DLC1: variants seen among roughly 807,000 people sequenced by gnomAD.
The protein encoded by DLC1 is DLC1 Rho GTPase activating protein.
DLC1 carries 54 observed loss-of-function variants against 140.3 expected under a neutral mutation model. The ratio of observed to expected loss-of-function variants is 0.38; its 90% CI spans 0.31 to 0.48. The LOEUF (loss-of-function observed/expected upper bound fraction) is 0.48. Among genes scored for constraint, DLC1 ranks in the 20% least tolerant of loss-of-function variants. The pLI, the probability that DLC1 is intolerant of heterozygous loss-of-function variation, is 0.96. For missense variants in DLC1, 2,536 were observed against 1,907.0 expected (o/e 1.33, Z -6.14); for synonymous variants, 986 against 728.1 (o/e 1.35, Z -5.70).
At chr8:13,286,534 T>A (rs1018900037) in intron 5 of DLC1, among the ~76,000 whole-genome samples, 1 of 152,140 alleles carries the variant, frequency 6.6e-6, no homozygotes, top group Admixed American at 6.5e-5. Context: ...TTCTATTGTA[T>A]CACATTATTA....
chr8:13,086,376 C>T lies in DLC1; in HGVS notation c.4380G>A (p.Arg1460=). The T allele has an allele frequency of 6.2e-7, 1 of 1,614,220 alleles. No individual in the cohort carries two copies. Among genetic ancestry groups the T allele is most frequent in the Admixed American group, 1.7e-5 (1 of 60,030 alleles). ...AATACCTGGACAAGAGCACATTAAC[C>T]CTCACACCCACCACAGGTGCGCGAT... The part of the protein sequence containing the change: ...DHDRAPVVGV[R]VNVLLSRYLI... The change falls in exon 17 of 18, where the codon AGG becomes AGA. Residue 1460 remains arginine, a synonymous_variant. Transcript: ENST00000276297.
At chr8:13,374,908 C>G (rs930979436) in intron 4 of DLC1, among the ~76,000 whole-genome samples, 2 of 152,222 alleles carry the variant, frequency 1.3e-5, no homozygotes, top group Admixed American at 6.5e-5. Flanking sequence ...AGAGGTCCTT[C>G]ACATCCCTTG....
intron 5 of DLC1, among the ~76,000 whole-genome samples, chr8:13,240,872 G>C (rs1285774929): frequency 6.6e-6 from 1 of 152,122 alleles, no homozygotes; most frequent in Non-Finnish European, 1.5e-5. Context: ...TATAAAACCT[G>C]AGCCTTTCCT....
rs749088237 is a variant in DLC1, at chr8:13,085,879, C to T, written c.4519G>A (p.Glu1507Lys). ...TKSFGHLCAA[E>K]VVKIRDSFSN... ...AAGGAATCCCGGATCTTTACAACTT[C>T]AGCTGCACACAAATGTCCAAAAGAT... Residue 1507 changes from glutamate to lysine, a missense_variant, in exon 18 of 18, where the codon GAA becomes AAA. Transcript: ENST00000276297. 10 of 1,614,176 alleles carry T rather than the reference C, an allele frequency of 6.2e-6. No homozygotes were observed. Among genetic ancestry groups the T allele is most frequent in the Non-Finnish European group, 4.2e-6 (5 of 1,180,022 alleles).
chr8:13,492,874 G>C (rs543391214), intron 2 of DLC1, among the ~76,000 whole-genome samples: 2 of 152,072 alleles, frequency 1.3e-5, no homozygotes, highest in Non-Finnish European at 2.9e-5. Flanking sequence ...TACATTTTTG[G>C]CTTTCTGGTT....
chr8:13,176,218 C>G (rs924029422), intron 5 of DLC1, among the ~76,000 whole-genome samples: 1 of 152,034 alleles, frequency 6.6e-6, no homozygotes, highest in Non-Finnish European at 1.5e-5. Flanking sequence ...TCCATTTCCT[C>G]TAGGGAAAAG....
intron 2 of DLC1, among the ~76,000 whole-genome samples, chr8:13,493,748 TCCTA>T (rs781491512): frequency 3.9e-5 from 6 of 152,192 alleles, no homozygotes; most frequent in Non-Finnish European, 7.3e-5. Flanking sequence ...CCAGTCAGCC[TCCTA>T]CTTTGGTTCA....
rs1830437622 is a variant in DLC1 at position 13,260,663 on chromosome 8, G to T, written c.1348+44606C>A. On this transcript the variant is annotated intron_variant, in intron 5 of 17. Transcript: ENST00000276297. ...AGGAAGGAAGAAATATCCAACTGATGCTGGAAGGATAAAAGTGTAACTATT... is the reference window on the plus strand; with the variant it reads ...AGGAAGGAAGAAATATCCAACTGATTCTGGAAGGATAAAAGTGTAACTATT... 2.0e-5 allele frequency among the ~76,000 whole-genome samples: 3 copies of T among 152,152 alleles called. 1 individual carries two copies. The South Asian group carries it at 6.2e-4, about 32-fold the overall frequency.
intron 1 of DLC1, among the ~76,000 whole-genome samples, chr8:13,513,508 A>C (rs1157483582): frequency 2.6e-5 from 4 of 152,098 alleles, no homozygotes; most frequent in Non-Finnish European, 5.9e-5. Context: ...TTATGATCCA[A>C]CTGTCAAAAT....
chr8:13,292,142 T>G (rs1831780775), intron 5 of DLC1, among the ~76,000 whole-genome samples: 1 of 152,166 alleles, frequency 6.6e-6, no homozygotes, highest in Non-Finnish European at 1.5e-5. Context: ...TTGGCTTCCA[T>G]TATAAATGGG....
chr8:13,454,802 C>G (rs778966786), intron 2 of DLC1, among the ~76,000 whole-genome samples: 3 of 152,182 alleles, frequency 2.0e-5, no homozygotes, highest in Admixed American at 2.0e-4. Flanking sequence ...GATCCTCCTG[C>G]TTTGGCCTCT....
At chr8:13,113,071 TA>T (rs1440427000) in intron 6 of DLC1, among the ~76,000 whole-genome samples, 1 of 152,210 alleles carries the variant, frequency 6.6e-6, no homozygotes, top group African/African-American at 2.4e-5. Flanking sequence ...TAACAATTTT[TA>T]AAAAATCTGG....
chr8:13,456,249 G>A (rs1326716026), intron 2 of DLC1, among the ~76,000 whole-genome samples: 5 of 152,132 alleles, frequency 3.3e-5, no homozygotes, highest in Admixed American at 1.3e-4. Context: ...TGATTTCTCT[G>A]TATTCTGCCC....
chr8:13,355,855 T>C (rs1004580948), intron 4 of DLC1, among the ~76,000 whole-genome samples: 5 of 151,730 alleles, frequency 3.3e-5, no homozygotes, highest in African/African-American at 9.7e-5. Context: ...GAGGCTAAGG[T>C]GGGCAGATCA....
intron 2 of DLC1, among the ~76,000 whole-genome samples, chr8:13,450,663 A>C (rs1798997248): frequency 6.6e-6 from 1 of 152,084 alleles, no homozygotes; most frequent in Non-Finnish European, 1.5e-5. Context: ...TCATATTTTA[A>C]GAGTGAAAAG....
intron 5 of DLC1, among the ~76,000 whole-genome samples, chr8:13,287,436 A>T (rs1366728660): frequency 6.6e-6 from 1 of 152,082 alleles, no homozygotes; most frequent in Non-Finnish European, 1.5e-5. Flanking sequence ...CGGGTTAAAG[A>T]AATCAATCAC....
In DLC1 at chr8:13,312,374, A is replaced by AT. The variant is rs1177054119; in HGVS notation, c.1315-7073_1315-7072insA. ...AGACTCCGTCTCAAAAAAAAAAAAA[A>AT]AAAAAAAAAAAAAATAATTTCTTTA... On this transcript the variant is annotated intron_variant, in intron 4 of 17. Coordinates refer to ENST00000276297, the MANE Select transcript of DLC1 (RefSeq NM_182643.3). 7.5e-4 allele frequency among the ~76,000 whole-genome samples: 101 copies of AT among 135,086 alleles called. 11 individuals carry two copies. Among genetic ancestry groups the AT allele is most frequent in the African/African-American group, 2.6e-3 (95 of 35,990 alleles). 88.6% of individuals were successfully genotyped at this position (135,086 alleles called of 152,430 possible).
chr8:13,488,987 GC>G (rs1473381683), intron 2 of DLC1, among the ~76,000 whole-genome samples: 1 of 151,832 alleles, frequency 6.6e-6, no homozygotes, highest in African/African-American at 2.4e-5. Flanking sequence ...TGCTCTTGTT[GC>G]CCAGGCTGGA....
upstream of DLC1, among the ~76,000 whole-genome samples, chr8:13,519,493 T>A (rs1802701108): frequency 6.6e-6 from 1 of 152,160 alleles, no homozygotes; most frequent in Non-Finnish European, 1.5e-5. Flanking sequence ...CCATATAATT[T>A]GTAGTTTATA....
Sources: allele counts gnomAD v4.1 joint callset (sites outside exome capture counted in the v4.1 genomes callset), GRCh38; gene constraint gnomAD v4.1.1; transcripts MANE v1.5; gene names NCBI Gene and HGNC (gene_info 2026-07-23, HGNC 2026-07-21).